The following CEP162 variants were observed in gnomAD, a reference collection of about 807,000 sequenced individuals.
CEP162 encodes the protein centrosomal protein 162.
In CEP162, 141 loss-of-function variants were observed where a neutral mutation model predicts 169.2. That is an observed-to-expected ratio of 0.83 (90% CI 0.73 to 0.96). CEP162 has a LOEUF of 0.96. Among genes scored for constraint, CEP162 ranks in the 40% least tolerant of loss-of-function variants. CEP162 has a pLI of 0.00. For missense variants in CEP162, 1,600 were observed against 1,587.2 expected (o/e 1.01, Z -0.14); for synonymous variants, 540 against 526.4 (o/e 1.03, Z -0.35).
chr6:84,167,682 A>T (rs2099528361), intron 18 of CEP162, among the ~76,000 whole-genome samples: 1 of 152,148 alleles, frequency 6.6e-6, no homozygotes, highest in African/African-American at 2.4e-5. Flanking sequence ...TTATTTTTTT[A>T]GTTTGCGCAT....
rs770356952 is a variant in CEP162, at chr6:84,125,083, G to A, written c.4199C>T (p.Ala1400Val). 2 of 1,611,068 alleles carry A rather than the reference G, an allele frequency of 1.2e-6. No homozygotes were observed. Among genetic ancestry groups the A allele is most frequent in the Non-Finnish European group, 1.7e-6 (2 of 1,178,038 alleles). Residue 1400 changes from alanine (A) to valine (V), a missense_variant, in exon 27 of 27, where the codon GCA becomes GTA. Transcript: ENST00000403245. ...VPVAFADEMNAPEY is the reference protein window; with the variant it reads ...VPVAFADEMNVPEY ...TCTGAATTTCTATTAATACTCTGGT[G>A]CATTCATTTCATCTGCAAAAGCAAC...
chr6:84,215,645 T>C lies in CEP162; in HGVS notation c.319+131A>G. ...AGGTTTAAAGCTTCTCTAGAATAATTCTAAACCTCTAGGAAGATATTAAAT... is the reference window on the plus strand; with the variant it reads ...AGGTTTAAAGCTTCTCTAGAATAATCCTAAACCTCTAGGAAGATATTAAAT... On this transcript the variant is annotated intron_variant, in intron 4 of 26. Transcript: ENST00000403245. The C allele has an allele frequency of 4.6e-6, 6 of 1,291,786 alleles. No homozygotes were observed. The South Asian group carries it at 9.3e-5, about 20-fold the overall frequency. 80.0% of individuals were successfully genotyped at this position (1,291,786 alleles called of 1,614,324 possible).
chr6:84,175,618 G>A (rs1323324104), intron 13 of CEP162, among the ~76,000 whole-genome samples: 1 of 152,154 alleles, frequency 6.6e-6, no homozygotes, highest in African/African-American at 2.4e-5. Context: ...AAATAAATGT[G>A]AGAATGTGGA....
In CEP162 at chr6:84,174,156, T is replaced by G. The variant is rs2099531334; in HGVS notation, c.2058A>C (p.Gln686His). The G allele has an allele frequency of 1.2e-6, 2 of 1,607,600 alleles. No individual in the cohort carries two copies. The highest frequency in any genetic ancestry group is 1.1e-5 in the South Asian group (1 of 89,920). The change falls in exon 16 of 27, where the codon CAA becomes CAC. Residue 686 changes from glutamine to histidine, a missense_variant. Gln to His is a conservative substitution (Grantham distance 24, BLOSUM62 0). Transcript: ENST00000403245. ...CTGCTTCTCCAAAATGTAACCACCT[T>G]TGTTTTTTGTTTGTTTCTTCAAAGC... is the stretch of plus-strand genomic sequence containing the variant. ...LSSFEETNKKQRWLHFGEAAD... is the reference protein window; with the variant it reads ...LSSFEETNKKHRWLHFGEAAD...
intron 19 of CEP162, among the ~76,000 whole-genome samples, chr6:84,162,670 A>G (rs1430394002): frequency 6.6e-6 from 1 of 151,682 alleles, no homozygotes; most frequent in Non-Finnish European, 1.5e-5. Context: ...AATTCCTCTC[A>G]TGTTTGTTTG....
At chr6:84,190,410 G>C (rs993948236) in intron 11 of CEP162, among the ~76,000 whole-genome samples, 8 of 151,938 alleles carry the variant, frequency 5.3e-5, no homozygotes, top group Non-Finnish European at 1.2e-4. Flanking sequence ...CAACCTGCTC[G>C]GGTCCCCTTC....
chr6:84,155,286 C>T lies in CEP162; in HGVS notation c.2994+12G>A, dbSNP rs771005162. On this transcript the variant is annotated intron_variant, in intron 22 of 26. Coordinates refer to ENST00000403245, the MANE Select transcript of CEP162 (RefSeq NM_014895.4). ...TCTCTGACCTTTATCTCTGAGGCTA[C>T]TTACCACTTACCTTCATTTTCTGAA... 4 of 1,608,618 alleles carry T rather than the reference C, an allele frequency of 2.5e-6. No homozygotes were observed. In the East Asian group the frequency reaches 6.7e-5, roughly 27 times the overall value.
At chr6:84,146,889 G>C in intron 24 of CEP162, 104 bp from the exon 25 acceptor site, 1 of 484,200 alleles carries the variant, frequency 2.1e-6, no homozygotes, top group Non-Finnish European at 3.6e-6. Context: ...ATATACTGTT[G>C]GTGGGAATGT....
chr6:84,215,493 G>C (rs780768856), intron 4 of CEP162, 28 bp from the exon 5 acceptor site: 5 of 1,463,474 alleles, frequency 3.4e-6, no homozygotes, highest in Admixed American at 2.5e-5. Flanking sequence ...ATATATTTTA[G>C]TAATATACAG....
chr6:84,198,177 C>G lies in CEP162; in HGVS notation c.835+2612G>C, dbSNP rs887757409. 2.0e-5 allele frequency among the ~76,000 whole-genome samples: 3 copies of G among 152,138 alleles called. No individual in the cohort carries two copies. The South Asian group carries it at 6.2e-4, about 32-fold the overall frequency. ...GTTAACTGCTTAATACATGAAGTGGCATGGTAAAACAAAACAAAAACCCCA... is the reference window on the plus strand; with the variant it reads ...GTTAACTGCTTAATACATGAAGTGGGATGGTAAAACAAAACAAAAACCCCA... On this transcript the variant is annotated intron_variant, in intron 9 of 26. Transcript: ENST00000403245.
At chr6:84,205,685 C>G (rs1204411570) in intron 6 of CEP162, among the ~76,000 whole-genome samples, 1 of 152,056 alleles carries the variant, frequency 6.6e-6, no homozygotes, top group Non-Finnish European at 1.5e-5. Context: ...TCTCTCACCA[C>G]TCCTATTCAA....
Position 84,124,916 on chromosome 6 carries a change from T to C in CEP162, c.*154A>G, listed in dbSNP as rs1310540172. On this transcript the variant is annotated 3_prime_UTR_variant, in exon 27 of 27. Coordinates refer to ENST00000403245, the MANE Select transcript of CEP162 (RefSeq NM_014895.4). ...CACCATTATATGTTTTTTTTCTTAT[T>C]GGTTAAAGGCAATTTATTTTGAAAT... 6.1e-6 allele frequency: 4 copies of C among 654,554 alleles called. No individual in the cohort carries two copies. In the East Asian group the frequency reaches 1.1e-4, roughly 18 times the overall value. 40.5% of individuals were successfully genotyped at this position (654,554 alleles called of 1,614,324 possible). A position where few individuals can be genotyped will look rare whatever the true frequency, so the allele number is the denominator to read the frequency against.
At chr6:84,155,257 T>G in intron 22 of CEP162, 41 bp downstream of exon 22, 1 of 1,487,926 alleles carries the variant, frequency 6.7e-7, no homozygotes, top group Non-Finnish European at 9.3e-7. Context: ...GCCCCCATTG[T>G]TCATCTCTGA....
chr6:84,219,838 T>C (rs1169288907), intron 3 of CEP162, among the ~76,000 whole-genome samples: 1 of 152,194 alleles, frequency 6.6e-6, no homozygotes, highest in Non-Finnish European at 1.5e-5. Context: ...AGTTGTCCTA[T>C]AGGTTACAAC....
chr6:84,185,219 G>A lies in CEP162; in HGVS notation c.1631C>T (p.Ser544Leu), dbSNP rs773293017. The A allele has an allele frequency of 1.7e-5, 28 of 1,612,254 alleles. 1 individual carries two copies. Among genetic ancestry groups the A allele is most frequent in the South Asian group, 1.2e-4 (11 of 91,022 alleles). Reference sequence around the variant, plus strand: ...CCTAGGTTGATTGGAGGTAGAAATCGATCTCAAGTTTTTGCTTTTTATAAT... The same window carrying A: ...CCTAGGTTGATTGGAGGTAGAAATCAATCTCAAGTTTTTGCTTTTTATAAT... ...EDIIKSKNLRSISTSNQPRKK... is the reference protein window; with the variant it reads ...EDIIKSKNLRLISTSNQPRKK... Residue 544 changes from serine (S) to leucine (L), a missense_variant, in exon 13 of 27, where the codon TCG becomes TTG. Physicochemically the swap from Ser to Leu is moderately radical, Grantham distance 145. Coordinates refer to ENST00000403245, the MANE Select transcript of CEP162 (RefSeq NM_014895.4).
rs1588846018 is a variant in CEP162, at chr6:84,193,503, T to C, written c.1109+106A>G. On this transcript the variant is annotated intron_variant, in intron 11 of 26. Coordinates refer to ENST00000403245, the MANE Select transcript of CEP162 (RefSeq NM_014895.4). ...AAAGAAGAGAGTTATGACTCACAGG[T>C]AGAGTCAAGCTAGTATTAGTCATTA... is the stretch of plus-strand genomic sequence containing the variant. 6 of 578,032 alleles carry C rather than the reference T, an allele frequency of 1.0e-5. No homozygotes were observed. The East Asian group carries it at 1.6e-4, about 15-fold the overall frequency. 35.8% of individuals were successfully genotyped at this position (578,032 alleles called of 1,614,324 possible). A position where few individuals can be genotyped will look rare whatever the true frequency, so the allele number is the denominator to read the frequency against.
intron 8 of CEP162, 58 bp from the exon 9 acceptor site, chr6:84,200,963 A>T: frequency 9.5e-7 from 1 of 1,049,982 alleles, no homozygotes; most frequent in Non-Finnish European, 1.5e-6. Flanking sequence ...GGTTCTGTTG[A>T]TCTAATACAA....
chr6:84,185,314 G>A lies in CEP162; in HGVS notation c.1536C>T (p.Ser512=). Reference sequence around the variant, plus strand: ...GTGAACTGGGTTTGCCATAGCCTGAGCTCCTAACTGACGCATATAATCCAC... The same window carrying A: ...GTGAACTGGGTTTGCCATAGCCTGAACTCCTAACTGACGCATATAATCCAC... The part of the protein sequence containing the change: ...PQSGLYASVR[S]SGYGKPSSPL... Residue 512 remains serine, a synonymous_variant, in exon 13 of 27, where the codon AGC becomes AGT. Coordinates refer to ENST00000403245, the MANE Select transcript of CEP162 (RefSeq NM_014895.4). The A allele has an allele frequency of 6.2e-7, 1 of 1,613,636 alleles. No homozygotes were observed. The highest frequency in any genetic ancestry group is 1.1e-5 in the South Asian group (1 of 91,066).
intron 5 of CEP162, among the ~76,000 whole-genome samples, chr6:84,214,467 G>A (rs2099550778): frequency 6.6e-6 from 1 of 151,848 alleles, no homozygotes; most frequent in Admixed American, 6.6e-5. Flanking sequence ...GGAATCTTCT[G>A]TCTATTGTCA....
Sources: gnomAD v4.1 joint callset for allele counts (sites outside exome capture counted in the v4.1 genomes callset) on GRCh38, gnomAD v4.1.1 for gene constraint, MANE v1.5 for transcripts, NCBI Gene and HGNC (gene_info 2026-07-23, HGNC 2026-07-21) for gene names.